TECTB: variants seen among roughly 807,000 people sequenced by gnomAD.
TECTB encodes beta-tectorin.
Under a neutral mutation model 43.3 loss-of-function variants are expected in TECTB, and 45 were observed. The ratio of observed to expected loss-of-function variants is 1.04; its 90% CI spans 0.82 to 1.33. The LOEUF is 1.33. TECTB is among the 40% of genes most tolerant of loss of function. The pLI is 0.00. For missense variants in TECTB, 399 were observed against 404.7 expected (o/e 0.99, Z 0.12); for synonymous variants, 169 against 156.7 (o/e 1.08, Z -0.59).
At position 112,286,304 on chromosome 10, in the gene TECTB, C is replaced by G. The variant is rs1848454047; in HGVS notation, c.411-15C>G. The G allele has an allele frequency of 1.2e-6, 2 of 1,611,522 alleles. No homozygotes were observed. Among genetic ancestry groups the G allele is most frequent in the African/African-American group, 1.3e-5 (1 of 74,888 alleles). ...CGTGTTTCAGTCCTTATGCAAAATT[C>G]TCTCCCCTTTTCAGAGTGGCCACTG... On this transcript the variant is annotated splice_polypyrimidine_tract_variant and intron_variant, in intron 4 of 10. Transcript: ENST00000646139.
intron 9 of TECTB, chr10:112,299,802 C>A: frequency 5.9e-6 from 3 of 506,716 alleles, no homozygotes; most frequent in Non-Finnish European, 1.1e-5. Context: ...AATTCAAATA[C>A]CCCCAAAGAA....
In TECTB at chr10:112,291,200, G is replaced by A. The variant is rs149797028; in HGVS notation, c.484-2538G>A. Among the ~76,000 whole-genome samples the A allele has an allele frequency of 1.1e-3, 158 of 149,616 alleles. 1 individual carries two copies. The East Asian group carries it at 0.03, about 28-fold the overall frequency. ...CCCAGTGTGTGTTGTTCCCCTCCCT[G>A]TGTCCATATGTTCTCATTGTTCAGC... On this transcript the variant is annotated intron_variant, in intron 5 of 10. Coordinates refer to ENST00000646139, the MANE Select transcript of TECTB (RefSeq NM_058222.3).
intron 5 of TECTB, among the ~76,000 whole-genome samples, chr10:112,286,756 C>A (rs1368258679): frequency 1.3e-5 from 2 of 151,918 alleles, no homozygotes; most frequent in Non-Finnish European, 2.9e-5. Flanking sequence ...CTCGTCTCCA[C>A]TAAAAAAATA....
chr10:112,283,724 T>C lies in TECTB; in HGVS notation c.-11T>C, dbSNP rs571834836. ...TTTGGATACCTGGCAGAGACCAGGT[T>C]CTGAGAAGCAATGGTGACGAAGGCC... On this transcript the variant is annotated 5_prime_UTR_variant, in exon 2 of 11. Transcript: ENST00000646139. The C allele has an allele frequency of 1.2e-6, 2 of 1,613,716 alleles. No homozygotes were observed. Among genetic ancestry groups the C allele is most frequent in the East Asian group, 2.2e-5 (1 of 44,864 alleles).
At chr10:112,290,069 A>G (rs1268359773) in intron 5 of TECTB, among the ~76,000 whole-genome samples, 1 of 152,136 alleles carries the variant, frequency 6.6e-6, no homozygotes, top group African/African-American at 2.4e-5. Flanking sequence ...TAAATGGAAA[A>G]TTCTAGAAAT....
At chr10:112,300,225 A>G in intron 9 of TECTB, among the ~76,000 whole-genome samples, 1 of 67,186 alleles carries the variant, frequency 1.5e-5, no homozygotes. Flanking sequence ...ACAGACAGAA[A>G]GAAATAAAGA....
chr10:112,283,886 G>T, intron 2 of TECTB, 76 bp downstream of exon 2: 1 of 1,452,408 alleles, frequency 6.9e-7, no homozygotes, highest in Non-Finnish European at 9.4e-7. Context: ...CAGCACTTCT[G>T]TGCTTAACTT....
rs182544312 is a variant in TECTB, at chr10:112,302,013, G to T, written c.908-88G>T. On this transcript the variant is annotated intron_variant, in intron 9 of 10. Coordinates refer to ENST00000646139, the MANE Select transcript of TECTB (RefSeq NM_058222.3). ...AGTGTGAGCCGCAGCCCCCAGCCAG[G>T]TTTTGTGTTGTAGAAACATCACTCT... 561 of 1,518,864 alleles carry T rather than the reference G, an allele frequency of 3.7e-4. 5 individuals carry two copies. In the East Asian group the frequency reaches 0.011, roughly 30 times the overall value. The allele number at this position is 1,518,864 out of a possible 1,614,324, so 94.1% of individuals were successfully genotyped here. A position where few individuals can be genotyped will look rare whatever the true frequency, so the allele number is the denominator to read the frequency against.
chr10:112,294,201 C>T (rs1217279209), intron 7 of TECTB, 140 bp downstream of exon 7: 2 of 708,502 alleles, frequency 2.8e-6, no homozygotes, highest in African/African-American at 1.8e-5. Context: ...TGGTTCCAGG[C>T]AAAGAACAAA....
At chr10:112,289,751 T>C (rs1314547732) in intron 5 of TECTB, among the ~76,000 whole-genome samples, 1 of 152,178 alleles carries the variant, frequency 6.6e-6, no homozygotes, top group Non-Finnish European at 1.5e-5. Context: ...AAAGTTGAAG[T>C]GTTATATTCT....
At chr10:112,300,279 A>AAAGAAAGAAAGGAAAGAAAGAAAGAAAG (rs1361291056) in intron 9 of TECTB, among the ~76,000 whole-genome samples, 22 of 48,388 alleles carry the variant, frequency 4.5e-4, no homozygotes, top group South Asian at 1.7e-3. Flanking sequence ...AGAAAGAAAG[A>AAAGAAAGAAAGGAAAGAAAGAAAGAAAG]AAAGAAAGAA....
At chr10:112,294,119 C>T in intron 7 of TECTB, 58 bp downstream of exon 7, 2 of 1,527,100 alleles carry the variant, frequency 1.3e-6, no homozygotes, top group African/African-American at 2.7e-5. Context: ...TATCGGGCTA[C>T]TTTGCTCTGG....
chr10:112,302,003 C>A (rs530993590), intron 9 of TECTB, 98 bp from the exon 10 acceptor site: 45 of 1,439,460 alleles, frequency 3.1e-5, no homozygotes, highest in Non-Finnish European at 4.3e-5. Flanking sequence ...GAGCCGCAGC[C>A]CCCAGCCAGG....
Position 112,298,227 on chromosome 10 carries a change from C to G in TECTB, c.830C>G (p.Pro277Arg), listed in dbSNP as rs770202252. 1.2e-6 allele frequency: 2 copies of G among 1,612,878 alleles called. No individual in the cohort carries two copies. Among genetic ancestry groups the G allele is most frequent in the East Asian group, 2.2e-5 (1 of 44,830 alleles). ...FICDSEKLSC[P>R]VTCDKRKRLL... is the part of the protein sequence containing the mutation. ...TGCGACAGTGAGAAACTCTCCTGCC[C>G]AGTGGTGAGCTGCCTCTCTCCAGAA... is the stretch of plus-strand genomic sequence containing the variant. The change falls in exon 8 of 11, where the codon CCA (proline) becomes CGA (arginine). Residue 277 changes from proline to arginine, a missense_variant. Coordinates refer to ENST00000646139, the MANE Select transcript of TECTB (RefSeq NM_058222.3).
chr10:112,295,394 A>G (rs1426765039), intron 7 of TECTB, among the ~76,000 whole-genome samples: 3 of 152,350 alleles, frequency 2.0e-5, no homozygotes, highest in Admixed American at 2.0e-4. Context: ...AGTAGACAGT[A>G]TAATAATCAT....
intron 5 of TECTB, among the ~76,000 whole-genome samples, chr10:112,290,741 A>C (rs942879773): frequency 6.6e-6 from 1 of 152,232 alleles, no homozygotes. Flanking sequence ...TTCAACCTGC[A>C]TTTTAAGCCA....
chr10:112,294,181 A>C, intron 7 of TECTB, 120 bp downstream of exon 7: 1 of 818,024 alleles, frequency 1.2e-6, no homozygotes, highest in Non-Finnish European at 2.0e-6. Context: ...TACAGCAGTG[A>C]CACCATCTGT....
chr10:112,295,188 T>C lies in TECTB; in HGVS notation c.671+1127T>C, dbSNP rs139264359. Among the ~76,000 whole-genome samples, 388 of 152,326 alleles carry C rather than the reference T, an allele frequency of 2.5e-3. 4 individuals carry two copies. The highest frequency in any genetic ancestry group is 9.2e-3 in the African/African-American group (383 of 41,572). ...CATGTAACAGACCAATGTGCCTGTG[T>C]TATTCTCAGAACCCATCAGGCCAAG... On this transcript the variant is annotated intron_variant, in intron 7 of 10. Coordinates refer to ENST00000646139, the MANE Select transcript of TECTB (RefSeq NM_058222.3).
chr10:112,292,029 G>A (rs962915262), intron 5 of TECTB, among the ~76,000 whole-genome samples: 2 of 151,894 alleles, frequency 1.3e-5, no homozygotes, highest in South Asian at 2.1e-4. Context: ...GCAGCTACTC[G>A]GGATGCTGAG....
Sources: gnomAD v4.1 joint callset for allele counts (sites outside exome capture counted in the v4.1 genomes callset) on GRCh38, gnomAD v4.1.1 for gene constraint, MANE v1.5 for transcripts, NCBI Gene and HGNC (gene_info 2026-07-23, HGNC 2026-07-21) for gene names.